The following KIF14 variants were observed in gnomAD, a reference collection of about 807,000 sequenced individuals.
KIF14 encodes the protein kinesin-like protein KIF14.
A neutral mutation model predicts 176.2 loss-of-function variants in KIF14; 98 were observed. The observed-to-expected ratio is 0.56, with a 90% CI of 0.47 to 0.66. The LOEUF (loss-of-function observed/expected upper bound fraction) is 0.66, where lower values mean the gene tolerates loss of function less well. Ranked by LOEUF, KIF14 falls within the 30% of genes least tolerant of loss-of-function variation. The pLI is 0.00. For missense variants in KIF14, 1,751 were observed against 1,920.4 expected (o/e 0.91, Z 1.65); for synonymous variants, 566 against 632.2 (o/e 0.90, Z 1.57).
rs1659087608 is a variant in KIF14, at chr1:200,592,183, C to T, written c.2710G>A (p.Val904Ile). Reference sequence around the variant, plus strand: ...CCAGATGGCCTTTTTCCTTTCTGGACTTCTACTGGATGATTAAATCTAAAA... The same window carrying T: ...CCAGATGGCCTTTTTCCTTTCTGGATTTCTACTGGATGATTAAATCTAAAA... ...HYFRFNHPVE[V>I]QKGKRPSGRD... Residue 904 changes from valine to isoleucine, a missense_variant, in exon 16 of 30, where the codon GTC becomes ATC. Val to Ile is a conservative substitution (Grantham distance 29). Transcript: ENST00000367350. The T allele has an allele frequency of 6.2e-7, 1 of 1,613,546 alleles. No individual in the cohort carries two copies. The highest frequency in any genetic ancestry group is 8.5e-7 in the Non-Finnish European group (1 of 1,179,684).
rs1348340188 is a variant in KIF14, at chr1:200,618,228, T to G, written c.496A>C (p.Ile166Leu). The G allele has an allele frequency of 1.2e-6, 2 of 1,613,960 alleles. No homozygotes were observed. Among genetic ancestry groups the G allele is most frequent in the South Asian group, 2.2e-5 (2 of 91,082 alleles). Residue 166 changes from isoleucine to leucine, a missense_variant, in exon 2 of 30, where the codon ATT becomes CTT. By Grantham distance (5) the Ile-to-Leu change is conservative. Coordinates refer to ENST00000367350, the MANE Select transcript of KIF14 (RefSeq NM_014875.3). Reference sequence around the variant, plus strand: ...AAAGAGTTTTTAGCATTATTTACAATCCTTACATTTGTTCTACTTTCCTTA... The same window carrying G: ...AAAGAGTTTTTAGCATTATTTACAAGCCTTACATTTGTTCTACTTTCCTTA... ...VSKESRTNVRIVNNAKNSFVA... is the reference protein window; with the variant it reads ...VSKESRTNVRLVNNAKNSFVA...
At chr1:200,615,715 G>T in intron 2 of KIF14, 106 bp from the exon 3 acceptor site, 1 of 987,212 alleles carries the variant, frequency 1.0e-6, no homozygotes, top group Non-Finnish European at 1.5e-6. Context: ...ATCTTCCAAG[G>T]CAAGATAATT....
chr1:200,589,065 A>G, intron 18 of KIF14, 152 bp downstream of exon 18: 2 of 592,688 alleles, frequency 3.4e-6, no homozygotes, highest in Non-Finnish European at 5.9e-6. Flanking sequence ...GTACCAGGAT[A>G]TAAGCTTTCA....
At chr1:200,593,526 T>C in intron 15 of KIF14, 141 bp downstream of exon 15, 1 of 640,634 alleles carries the variant, frequency 1.6e-6, no homozygotes, top group Non-Finnish European at 2.7e-6. Flanking sequence ...AAGCAATTAA[T>C]AGGAAAAAGA....
At position 200,620,135 on chromosome 1, in the gene KIF14, T is replaced by C. The variant is rs1217253973; in HGVS notation, c.-116+276A>G. ...ATTACAAAAAAAATTCGTCAGCTTATAAGCATCTCCCATCAACGTTTCAAC... is the reference window on the plus strand; with the variant it reads ...ATTACAAAAAAAATTCGTCAGCTTACAAGCATCTCCCATCAACGTTTCAAC... On this transcript the variant is annotated intron_variant, in intron 1 of 29. Coordinates refer to ENST00000367350, the MANE Select transcript of KIF14 (RefSeq NM_014875.3). Among the ~76,000 whole-genome samples the C allele has an allele frequency of 2.6e-5, 4 of 152,226 alleles. No homozygotes were observed. The East Asian group carries it at 5.8e-4, about 22-fold the overall frequency.
chr1:200,554,321 T>G (rs1571443149), intron 29 of KIF14, 147 bp downstream of exon 29: 4 of 509,318 alleles, frequency 7.9e-6, no homozygotes, highest in Non-Finnish European at 3.5e-6. Context: ...AACCCAGGAG[T>G]CGGAGGTTGC....
chr1:200,560,281 G>GTTTT (rs11405600), intron 26 of KIF14, among the ~76,000 whole-genome samples: 1 of 151,490 alleles, frequency 6.6e-6, no homozygotes, highest in South Asian at 2.1e-4. Context: ...GTTTTGTTGG[G>GTTTT]TTTTTTTTGA....
chr1:200,566,629 G>A (rs1657470978), intron 23 of KIF14, among the ~76,000 whole-genome samples: 1 of 150,310 alleles, frequency 6.7e-6, no homozygotes, highest in African/African-American at 2.4e-5. Context: ...GTCTTGCTCT[G>A]TTGCCCAGGC....
intron 23 of KIF14, among the ~76,000 whole-genome samples, chr1:200,569,220 C>T (rs1403459693): frequency 2.0e-5 from 3 of 152,096 alleles, no homozygotes; most frequent in Non-Finnish European, 4.4e-5. Flanking sequence ...CTACTGTGCC[C>T]AGCCTAGCAG....
At chr1:200,616,525 G>T (rs1660413011) in intron 2 of KIF14, among the ~76,000 whole-genome samples, 1 of 151,986 alleles carries the variant, frequency 6.6e-6, no homozygotes, top group East Asian at 1.9e-4. Context: ...TAACCCATTT[G>T]CACGAAAAAG....
intron 13 of KIF14, among the ~76,000 whole-genome samples, chr1:200,598,719 C>T (rs181615973): frequency 9.6e-4 from 146 of 152,100 alleles, no homozygotes; most frequent in African/African-American, 3.3e-3. Flanking sequence ...CCACCACGCC[C>T]GGCTAATTTT....
In KIF14 at chr1:200,551,682, G is replaced by C. The variant is rs1163058859; in HGVS notation, c.*1706C>G. ...AAAAGTTTCTGACCAATTAAGTCATGAGTTTACAAAGCACAAACTGAAGAT... is the reference window on the plus strand; with the variant it reads ...AAAAGTTTCTGACCAATTAAGTCATCAGTTTACAAAGCACAAACTGAAGAT... On this transcript the variant is annotated 3_prime_UTR_variant, in exon 30 of 30. Coordinates refer to ENST00000367350, the MANE Select transcript of KIF14 (RefSeq NM_014875.3). 5.9e-5 allele frequency: 9 copies of C among 152,148 alleles called. No individual in the cohort carries two copies. The highest frequency in any genetic ancestry group is 1.9e-4 in the African/African-American group (8 of 41,440). The allele number at this position is 152,148 out of a possible 1,614,324, so 9.4% of individuals were successfully genotyped here. A position where few individuals can be genotyped will look rare whatever the true frequency, so the allele number is the denominator to read the frequency against.
chr1:200,600,080 T>C lies in KIF14; in HGVS notation c.2334A>G (p.Lys778=). ...VWKEKFEQAE[K]RKLQETKELQ... is the part of the protein sequence containing the mutation. ...ACTCTTTTGTTTCTTGAAGTTTTCTTTTTTCAGCTTGTTCAAACTTTTCTT... is the reference window on the plus strand; with the variant it reads ...ACTCTTTTGTTTCTTGAAGTTTTCTCTTTTCAGCTTGTTCAAACTTTTCTT... Residue 778 remains lysine, a synonymous_variant, in exon 13 of 30, where the codon AAA becomes AAG. Transcript: ENST00000367350. The C allele has an allele frequency of 1.9e-6, 3 of 1,599,496 alleles. No individual in the cohort carries two copies. Among genetic ancestry groups the C allele is most frequent in the Non-Finnish European group, 2.6e-6 (3 of 1,169,008 alleles).
In KIF14 at chr1:200,551,712, T is replaced by C. The variant is rs1656543111; in HGVS notation, c.*1676A>G. 6.6e-6 allele frequency: 1 copy of C among 152,212 alleles called. No individual in the cohort carries two copies. Among genetic ancestry groups the C allele is most frequent in the Non-Finnish European group, 1.5e-5 (1 of 68,046 alleles). 9.4% of individuals were successfully genotyped at this position (152,212 alleles called of 1,614,324 possible). A position where few individuals can be genotyped will look rare whatever the true frequency, so the allele number is the denominator to read the frequency against. Reference sequence around the variant, plus strand: ...TACAAAGCACAAACTGAAGATTAAATACTGAATATTAAGATGAAAACTACT... The same window carrying C: ...TACAAAGCACAAACTGAAGATTAAACACTGAATATTAAGATGAAAACTACT... On this transcript the variant is annotated 3_prime_UTR_variant, in exon 30 of 30. Transcript: ENST00000367350.
intron 25 of KIF14, among the ~76,000 whole-genome samples, chr1:200,563,956 C>T (rs1319429959): frequency 6.6e-6 from 1 of 151,994 alleles, no homozygotes; most frequent in Non-Finnish European, 1.5e-5. Flanking sequence ...TTCCAGAAAC[C>T]TCCCTTAAAA....
chr1:200,614,180 C>A (rs1258468381), intron 4 of KIF14, 138 bp downstream of exon 4: 1 of 534,696 alleles, frequency 1.9e-6, no homozygotes, highest in Non-Finnish European at 3.3e-6. Context: ...CTCTCCATAC[C>A]ACTGTTCCAA....
intron 23 of KIF14, among the ~76,000 whole-genome samples, chr1:200,568,798 A>G (rs1325830542): frequency 2.0e-5 from 3 of 151,156 alleles, no homozygotes; most frequent in African/African-American, 7.3e-5. Context: ...TAGTATATAT[A>G]CTCTTTTGGA....
At chr1:200,576,480 A>G (rs1388725169) in intron 21 of KIF14, among the ~76,000 whole-genome samples, 3 of 150,056 alleles carry the variant, frequency 2.0e-5, no homozygotes, top group Non-Finnish European at 3.0e-5. Flanking sequence ...TCCGTCTCAA[A>G]AAAAAAAAAA....
chr1:200,598,168 T>A, intron 14 of KIF14, 69 bp downstream of exon 14: 1 of 1,364,714 alleles, frequency 7.3e-7, no homozygotes, highest in Non-Finnish European at 1.0e-6. Context: ...ATATGCCATA[T>A]GAAGGAAACC....
Sources: gnomAD v4.1 joint callset for allele counts (sites outside exome capture counted in the v4.1 genomes callset) on GRCh38, gnomAD v4.1.1 for gene constraint, MANE v1.5 for transcripts, NCBI Gene and HGNC (gene_info 2026-07-23, HGNC 2026-07-21) for gene names.